SPRY3: variants seen among roughly 807,000 people sequenced by gnomAD.
SPRY3 encodes sprouty RTK signaling antagonist 3, also known as protein sprouty homolog 3.
SPRY3 carries 15 observed loss-of-function variants against 20.2 expected under a neutral mutation model. The observed-to-expected ratio is 0.74, with a 90% CI of 0.50 to 1.14. SPRY3 has a LOEUF of 1.14. Among genes scored for constraint, SPRY3 ranks in the 50% most tolerant of loss-of-function variants. SPRY3 has a pLI of 0.00. For missense variants in SPRY3, 364 were observed against 363.9 expected (o/e 1.00, Z 0.00); for synonymous variants, 143 against 136.5 (o/e 1.05, Z -0.33).
intron 2 of SPRY3, among the ~76,000 whole-genome samples, chrX:155,658,707 C>T (rs2067999507): frequency 8.9e-6 from 1 of 111,948 alleles, no homozygotes; most frequent in Non-Finnish European, 1.9e-5. Context: ...CTAGCTAAGA[C>T]TTCCAGTAGT....
At chrX:155,736,627 C>T (rs1174304976) in intron 2 of SPRY3, among the ~76,000 whole-genome samples, 1 of 151,908 alleles carries the variant, frequency 6.6e-6, no homozygotes, top group African/African-American at 2.4e-5. Flanking sequence ...TTTATCTTTG[C>T]TTTCCTGTAG....
intron 2 of SPRY3, among the ~76,000 whole-genome samples, chrX:155,721,202 G>T (rs1211760858): frequency 3.9e-5 from 6 of 152,078 alleles, no homozygotes; most frequent in Non-Finnish European, 8.8e-5. Context: ...GCAGAAGAAA[G>T]AATTAGTAGT....
intron 1 of SPRY3, among the ~76,000 whole-genome samples, chrX:155,643,238 C>T (rs191809730): frequency 8.9e-6 from 1 of 111,881 alleles, no homozygotes; most frequent in East Asian, 2.8e-4. Flanking sequence ...CCTTCCTTGT[C>T]TCTTCATATA....
intron 1 of SPRY3, among the ~76,000 whole-genome samples, chrX:155,620,517 G>A (rs782318402): frequency 6.9e-4 from 77 of 111,592 alleles, no homozygotes; most frequent in Non-Finnish European, 8.3e-4. Flanking sequence ...ATAATTACTC[G>A]AAAGCAACAA....
intron 2 of SPRY3, among the ~76,000 whole-genome samples, chrX:155,686,933 G>C (rs1191121416): frequency 8.9e-6 from 1 of 112,744 alleles, no homozygotes; most frequent in Non-Finnish European, 1.9e-5. Context: ...CTGAATTTTA[G>C]ATATTACCTT....
chrX:155,705,008 G>T (rs2090940354), intron 2 of SPRY3, among the ~76,000 whole-genome samples: 1 of 151,456 alleles, frequency 6.6e-6, no homozygotes, highest in African/African-American at 2.4e-5. Flanking sequence ...ACAAGATAAA[G>T]GAAAGTTTTT....
At chrX:155,655,734 G>C (rs151122159) in intron 1 of SPRY3, among the ~76,000 whole-genome samples, 2 of 111,215 alleles carry the variant, frequency 1.8e-5, no homozygotes, top group East Asian at 5.7e-4. Flanking sequence ...TTTTTGCAGT[G>C]ACTGGTACCG....
chrX:155,764,627 C>T (rs1271497076), intron 2 of SPRY3, among the ~76,000 whole-genome samples: 1 of 151,920 alleles, frequency 6.6e-6, no homozygotes, highest in African/African-American at 2.4e-5. Flanking sequence ...TATATCTGCC[C>T]TCAAAGAGAT....
chrX:155,771,186 A>G (rs904112214), intron 3 of SPRY3, among the ~76,000 whole-genome samples: 1 of 152,156 alleles, frequency 6.6e-6, no homozygotes, highest in African/African-American at 2.4e-5. Flanking sequence ...AATCGAATCA[A>G]TATTGAAATA....
chrX:155,777,272 G>T (rs1313708102), downstream of SPRY3: 1 of 166,834 alleles, frequency 6.0e-6, no homozygotes, highest in Non-Finnish European at 1.5e-5. Context: ...ATTATTCTAT[G>T]GATGTTTGCT....
chrX:155,781,783 T>C (rs753780144), downstream of SPRY3: 1 of 167,154 alleles, frequency 6.0e-6, no homozygotes, highest in African/African-American at 2.4e-5. Context: ...AACAACATAA[T>C]AAAAGTTGTT....
chrX:155,751,916 A>G (rs2091263717), intron 2 of SPRY3, among the ~76,000 whole-genome samples: 1 of 148,790 alleles, frequency 6.7e-6, no homozygotes, highest in African/African-American at 2.5e-5. Flanking sequence ...AAGGAAAGCA[A>G]GGGAAGGGAA....
chrX:155,630,072 T>G (rs2067901194), intron 1 of SPRY3, among the ~76,000 whole-genome samples: 1 of 112,063 alleles, frequency 8.9e-6, no homozygotes, highest in Non-Finnish European at 1.9e-5. Context: ...CAACTTAACT[T>G]TGATAGCCAA....
intron 2 of SPRY3, among the ~76,000 whole-genome samples, chrX:155,728,733 A>G (rs1182450454): frequency 6.6e-6 from 1 of 152,134 alleles, no homozygotes; most frequent in African/African-American, 2.4e-5. Context: ...TCCCTTGGCT[A>G]TGAAAGGGAA....
intron 1 of SPRY3, among the ~76,000 whole-genome samples, chrX:155,645,310 C>T (rs1202664049): frequency 4.5e-5 from 5 of 112,093 alleles, no homozygotes; most frequent in African/African-American, 1.3e-4. Flanking sequence ...CTTTAGCTGC[C>T]GCAGCTGGTA....
At chrX:155,673,020 A>T (rs1384999567) in intron 2 of SPRY3, among the ~76,000 whole-genome samples, 1 of 81,919 alleles carries the variant, frequency 1.2e-5, no homozygotes, top group African/African-American at 4.4e-5. Flanking sequence ...AACAATGAGA[A>T]CACATGGACA....
chrX:155,723,230 C>T (rs2091073423), intron 2 of SPRY3, among the ~76,000 whole-genome samples: 2 of 152,176 alleles, frequency 1.3e-5, no homozygotes, highest in East Asian at 1.9e-4. Flanking sequence ...GTGAATAGTT[C>T]CGCAATAAAC....
intron 2 of SPRY3, among the ~76,000 whole-genome samples, chrX:155,724,687 G>A (rs928880053): frequency 8.5e-5 from 13 of 152,210 alleles, no homozygotes; most frequent in Admixed American, 1.3e-4. Flanking sequence ...AGACTTTGCC[G>A]AAGTTGCTTA....
At chrX:155,712,637 G>A (rs2090994866) in intron 2 of SPRY3, among the ~76,000 whole-genome samples, 1 of 151,802 alleles carries the variant, frequency 6.6e-6, no homozygotes, top group African/African-American at 2.4e-5. Context: ...AATTTATGCA[G>A]CCATTCTGTT....
Sources: gnomAD v4.1 joint callset for allele counts (sites outside exome capture counted in the v4.1 genomes callset) on GRCh38, gnomAD v4.1.1 for gene constraint, MANE v1.5 for transcripts, NCBI Gene and HGNC (gene_info 2026-07-23, HGNC 2026-07-21) for gene names.